The following C12orf42 variants were observed in gnomAD, a reference collection of about 807,000 sequenced individuals.
The protein encoded by C12orf42 is uncharacterized protein C12orf42.
In C12orf42, 25 loss-of-function variants were observed where a neutral mutation model predicts 21.6. The ratio of observed to expected loss-of-function variants is 1.16; its 90% CI spans 0.84 to 1.62. C12orf42 has a LOEUF of 1.62. Ranked by LOEUF, C12orf42 falls within the 40% of genes most tolerant of loss-of-function variation. The pLI is 0.00. For synonymous variants in C12orf42, 174 were observed against 175.0 expected, an observed-to-expected ratio of 0.99 and a Z score of 0.05; for missense variants, 483 against 459.3, an observed-to-expected ratio of 1.05 and a Z score of -0.47.
At chr12:103,514,257 T>A in the C12orf42 span, among the ~76,000 whole-genome samples, 1 of 152,078 alleles carries the variant, frequency 6.6e-6, no homozygotes, top group African/African-American at 2.4e-5. Context: ...TCCCACAACA[T>A]GTGGGGATTA....
At chr12:103,421,278 A>G (rs979646387) in intron 2 of C12orf42, among the ~76,000 whole-genome samples, 3 of 152,186 alleles carry the variant, frequency 2.0e-5, no homozygotes, top group African/African-American at 7.2e-5. Context: ...TATAAATGTA[A>G]GAATATTTTA....
chr12:103,415,545 A>G (rs2049240010), intron 2 of C12orf42, among the ~76,000 whole-genome samples: 1 of 152,184 alleles, frequency 6.6e-6, no homozygotes, highest in South Asian at 2.1e-4. Context: ...GCAAGTCTCG[A>G]TTAATTTTTA....
At chr12:103,070,490 A>C in the C12orf42 span, among the ~76,000 whole-genome samples, 1 of 144,406 alleles carries the variant, frequency 6.9e-6, no homozygotes, top group Non-Finnish European at 1.5e-5. Context: ...ACACATATAC[A>C]TATATATACA....
At chr12:103,126,213 G>A in the C12orf42 span, among the ~76,000 whole-genome samples, 2 of 152,140 alleles carry the variant, frequency 1.3e-5, no homozygotes, top group African/African-American at 4.8e-5. Context: ...CAAAACAAAG[G>A]CCAGGTCCCA....
chr12:103,301,993 C>T lies in C12orf42; in HGVS notation c.*115G>A, dbSNP rs1593333735. Reference sequence around the variant, plus strand: ...ATTTATTAGGTTCAAAAATGCTTCACAAAAGCCTAACAATGGTTCTGTGGA... The same window carrying T: ...ATTTATTAGGTTCAAAAATGCTTCATAAAAGCCTAACAATGGTTCTGTGGA... On this transcript the variant is annotated 3_prime_UTR_variant, in exon 6 of 6. Transcript: ENST00000548883. The T allele has an allele frequency of 8.2e-7, 1 of 1,220,518 alleles. No individual in the cohort carries two copies. The highest frequency in any genetic ancestry group is 2.4e-5 in the East Asian group (1 of 41,356). 75.6% of individuals were successfully genotyped at this position (1,220,518 alleles called of 1,614,324 possible).
At chr12:103,304,064 T>C (rs942616454) in intron 5 of C12orf42, among the ~76,000 whole-genome samples, 2 of 152,206 alleles carry the variant, frequency 1.3e-5, no homozygotes, top group Non-Finnish European at 2.9e-5. Flanking sequence ...TTAGTAATGA[T>C]ACATTTTGCA....
the C12orf42 span, among the ~76,000 whole-genome samples, chr12:103,156,668 C>T: frequency 6.6e-6 from 1 of 152,048 alleles, no homozygotes; most frequent in East Asian, 1.9e-4. Flanking sequence ...TGTTGTTTCT[C>T]TCTGTGTCCA....
the C12orf42 span, among the ~76,000 whole-genome samples, chr12:103,075,716 A>G: frequency 6.6e-6 from 1 of 152,184 alleles, no homozygotes; most frequent in Non-Finnish European, 1.5e-5. Flanking sequence ...CCACCCAACC[A>G]GTCCAGTAAG....
At chr12:103,052,715 A>G in the C12orf42 span, among the ~76,000 whole-genome samples, 1 of 152,034 alleles carries the variant, frequency 6.6e-6, no homozygotes, top group Non-Finnish European at 1.5e-5. Flanking sequence ...TATCCTATTT[A>G]AAATGTTTGT....
the C12orf42 span, among the ~76,000 whole-genome samples, chr12:103,124,833 A>G: frequency 6.6e-6 from 1 of 152,324 alleles, no homozygotes; most frequent in East Asian, 1.9e-4. Flanking sequence ...CAATCAAGAT[A>G]CAAACACCGA....
intron 4 of C12orf42, among the ~76,000 whole-genome samples, chr12:103,323,818 AG>A (rs1209555483): frequency 6.6e-6 from 1 of 152,232 alleles, no homozygotes; most frequent in East Asian, 1.9e-4. Context: ...CCCCAGCCCA[AG>A]ATATTAAAAA....
chr12:103,263,090 G>T (rs2034983047), intron 10 of C12orf42, among the ~76,000 whole-genome samples: 1 of 152,064 alleles, frequency 6.6e-6, no homozygotes, highest in Admixed American at 6.6e-5. Context: ...CTCACAGGTG[G>T]GAATTGAACA....
chr12:103,499,889 T>C (rs907769911), upstream of C12orf42, among the ~76,000 whole-genome samples: 7 of 152,200 alleles, frequency 4.6e-5, no homozygotes, highest in African/African-American at 1.7e-4. Context: ...TAGAATGCTA[T>C]TGAAATTGTT....
chr12:103,174,833 G>C, the C12orf42 span, among the ~76,000 whole-genome samples: 1 of 152,238 alleles, frequency 6.6e-6, no homozygotes, highest in South Asian at 2.1e-4. Flanking sequence ...ATCTCACCAA[G>C]TGATGTCAAA....
intron 2 of C12orf42, among the ~76,000 whole-genome samples, chr12:103,451,002 T>C (rs1273738800): frequency 1.3e-5 from 2 of 152,110 alleles, no homozygotes; most frequent in African/African-American, 4.8e-5. Context: ...CTGAAAATTA[T>C]ACGCACAGTT....
the C12orf42 span, among the ~76,000 whole-genome samples, chr12:103,223,856 C>G: frequency 1.1e-4 from 17 of 152,236 alleles, no homozygotes; most frequent in East Asian, 3.3e-3. Flanking sequence ...GTGTCCAGTC[C>G]TTTTTGGTGG....
At chr12:103,132,811 G>A in the C12orf42 span, among the ~76,000 whole-genome samples, 6 of 151,214 alleles carry the variant, frequency 4.0e-5, no homozygotes, top group African/African-American at 1.5e-4. Context: ...CCGCAGCTGG[G>A]GCCAAAGCTC....
the C12orf42 span, among the ~76,000 whole-genome samples, chr12:103,126,369 TG>T: frequency 4.6e-5 from 7 of 152,344 alleles, no homozygotes; most frequent in East Asian, 9.6e-4. Flanking sequence ...AGTCCATTAC[TG>T]GTTCTAAAAA....
At chr12:103,413,506 T>G (rs1306379375) in intron 2 of C12orf42, among the ~76,000 whole-genome samples, 1 of 152,052 alleles carries the variant, frequency 6.6e-6, no homozygotes, top group African/African-American at 2.4e-5. Context: ...TCAATAGTTT[T>G]GGGGGAACAG....
Sources: allele counts gnomAD v4.1 joint callset (sites outside exome capture counted in the v4.1 genomes callset), GRCh38; gene constraint gnomAD v4.1.1; transcripts MANE v1.5; gene names NCBI Gene and HGNC (gene_info 2026-07-23, HGNC 2026-07-21).